GPT2: variants seen among roughly 807,000 people sequenced by gnomAD.
The protein encoded by GPT2 is glutamic--pyruvic transaminase 2.
Under a neutral mutation model 56.9 loss-of-function variants are expected in GPT2, and 30 were observed. That is an observed-to-expected ratio of 0.53 (90% CI 0.39 to 0.72). The LOEUF is 0.72. GPT2 is among the 30% of genes least tolerant of loss of function. The pLI is 0.00. For synonymous variants in GPT2, 271 were observed against 283.1 expected (o/e 0.96, Z 0.43); for missense variants, 542 against 703.4 (o/e 0.77, Z 2.60).
rs1960799786 is a variant in GPT2 at position 46,900,698 on chromosome 16, C to G, written c.350C>G (p.Thr117Ser). The G allele has an allele frequency of 6.2e-7, 1 of 1,613,830 alleles. No individual in the cohort carries two copies. The highest frequency in any genetic ancestry group is 1.3e-5 in the African/African-American group (1 of 74,916). The change falls in exon 4 of 12, where the codon ACC (threonine) becomes AGC (serine). Residue 117 changes from threonine to serine, a missense_variant. By Grantham distance (58) the Thr-to-Ser change is moderately conservative (BLOSUM62 1). Transcript: ENST00000340124. ...TTCCCCCAGGTGATGGCACTATGCACCTACCCAAACCTGCTGGACAGCCCC... is the reference window on the plus strand; with the variant it reads ...TTCCCCCAGGTGATGGCACTATGCAGCTACCCAAACCTGCTGGACAGCCCC... The part of the protein sequence containing the change: ...TFLRQVMALC[T>S]YPNLLDSPSF...
intron 2 of GPT2, among the ~76,000 whole-genome samples, chr16:46,890,461 C>T (rs1960565465): frequency 6.6e-6 from 1 of 152,184 alleles, no homozygotes; most frequent in Non-Finnish European, 1.5e-5. Context: ...GCGGTCTCAT[C>T]TGTGCTACTC....
rs185334136 is a variant in GPT2, at chr16:46,902,681, G to A, written c.442+1891G>A. On this transcript the variant is annotated intron_variant, in intron 4 of 11. Coordinates refer to ENST00000340124, the MANE Select transcript of GPT2 (RefSeq NM_133443.4). ...ACTCTGTTGCCCAGGCTGGAAGTGC[G>A]GTGGCACGATCTTGGTTCACTGCAA... 7.9e-5 allele frequency among the ~76,000 whole-genome samples: 12 copies of A among 152,138 alleles called. No homozygotes were observed. In the East Asian group the frequency reaches 9.8e-4, roughly 12 times the overall value.
At position 46,929,991 on chromosome 16, in the gene GPT2, G is replaced by C. The variant is rs556539951; in HGVS notation, c.*994G>C. 6.5e-6 allele frequency: 1 copy of C among 152,876 alleles called. No individual in the cohort carries two copies. The highest frequency in any genetic ancestry group is 2.4e-5 in the African/African-American group (1 of 41,486). The allele number at this position is 152,876 out of a possible 1,614,324, so 9.5% of individuals were successfully genotyped here. A position where few individuals can be genotyped will look rare whatever the true frequency, so the allele number is the denominator to read the frequency against. On this transcript the variant is annotated 3_prime_UTR_variant, in exon 12 of 12. Transcript: ENST00000340124. ...AGCAGCCAAGGCCCTGTCCTTTCTT[G>C]AATGGTGGCGAGCTGAATCTGGTCG...
At chr16:46,923,797 C>G (rs2143556975) in intron 9 of GPT2, 1 of 180,122 alleles carries the variant, frequency 5.6e-6, no homozygotes, top group East Asian at 1.4e-4. Context: ...GCGCGCTGGT[C>G]CCCCCCAGAT....
At chr16:46,906,275 T>C (rs891852148) in intron 4 of GPT2, among the ~76,000 whole-genome samples, 6 of 152,140 alleles carry the variant, frequency 3.9e-5, no homozygotes, top group African/African-American at 1.2e-4. Context: ...TTTCACCACA[T>C]TGACCAGGCT....
chr16:46,913,754 G>A (rs1362104577), intron 6 of GPT2, among the ~76,000 whole-genome samples: 2 of 151,946 alleles, frequency 1.3e-5, no homozygotes, highest in African/African-American at 4.8e-5. Context: ...ATATATATAT[G>A]TATGTATATA....
Position 46,929,057 on chromosome 16 carries a change from C to G in GPT2, c.*60C>G. On this transcript the variant is annotated 3_prime_UTR_variant, in exon 12 of 12. Transcript: ENST00000340124. ...GCTCTTCCTCCCAATGCCCGTCAGG[C>G]TGAACTCGCCTCCCCCGTGACTCTG... The G allele has an allele frequency of 7.6e-7, 1 of 1,313,424 alleles. No homozygotes were observed. The highest frequency in any genetic ancestry group is 1.1e-6 in the Non-Finnish European group (1 of 908,530). 81.4% of individuals were successfully genotyped at this position (1,313,424 alleles called of 1,614,324 possible). A position where few individuals can be genotyped will look rare whatever the true frequency, so the allele number is the denominator to read the frequency against.
rs1254225123 is a variant in GPT2, at chr16:46,929,291, T to A, written c.*294T>A. 1 of 380,532 alleles carries A rather than the reference T, an allele frequency of 2.6e-6. No homozygotes were observed. The highest frequency in any genetic ancestry group is 4.9e-6 in the Non-Finnish European group (1 of 202,670). 23.6% of individuals were successfully genotyped at this position (380,532 alleles called of 1,614,324 possible). On this transcript the variant is annotated 3_prime_UTR_variant, in exon 12 of 12. Transcript: ENST00000340124. ...GCTTCTGGAAAGTTCATTTGGGGTT[T>A]ACAACAACTAGGATGTGTTGGGTGA...
At position 46,927,060 on chromosome 16, in the gene GPT2, G is replaced by C. The variant is rs368381218; in HGVS notation, c.1481+23G>C. ...CAGGTATGACTTCCTCTCCGCACTA[G>C]GGGCTGGTCCGGGTCTTGTCCAGGG... On this transcript the variant is annotated intron_variant, in intron 11 of 11. Transcript: ENST00000340124. The C allele has an allele frequency of 1.5e-5, 22 of 1,465,456 alleles. No individual in the cohort carries two copies. The African/African-American group carries it at 2.8e-4, about 19-fold the overall frequency. The allele number at this position is 1,465,456 out of a possible 1,614,324, so 90.8% of individuals were successfully genotyped here.
At chr16:46,918,898 G>C in intron 8 of GPT2, 141 bp downstream of exon 8, 2 of 1,028,130 alleles carry the variant, frequency 1.9e-6, no homozygotes, top group Non-Finnish European at 2.8e-6. Context: ...CATCTCCCCA[G>C]TGGGAGAGCC....
At chr16:46,887,268 G>C (rs925071797) in intron 2 of GPT2, among the ~76,000 whole-genome samples, 10 of 152,148 alleles carry the variant, frequency 6.6e-5, no homozygotes, top group African/African-American at 2.4e-4. Flanking sequence ...AGGAGTTCGA[G>C]ACCAGCCTGG....
At chr16:46,917,184 A>G (rs1961186005) in intron 7 of GPT2, among the ~76,000 whole-genome samples, 1 of 152,122 alleles carries the variant, frequency 6.6e-6, no homozygotes. Context: ...TCACACGCCC[A>G]TTGCTGAACC....
chr16:46,916,002 C>G (rs1301926871), intron 6 of GPT2: 1 of 152,872 alleles, frequency 6.5e-6, no homozygotes, highest in Non-Finnish European at 1.5e-5. Context: ...GTGCACACAC[C>G]CCACCACACC....
At chr16:46,897,286 T>C (rs946875719) in intron 2 of GPT2, among the ~76,000 whole-genome samples, 22 of 152,072 alleles carry the variant, frequency 1.4e-4, no homozygotes, top group Non-Finnish European at 2.4e-4. Flanking sequence ...GGCACGAGAA[T>C]TGCTTGAACC....
intron 5 of GPT2, among the ~76,000 whole-genome samples, chr16:46,907,649 C>T (rs1309328460): frequency 6.6e-6 from 1 of 152,164 alleles, no homozygotes; most frequent in Non-Finnish European, 1.5e-5. Flanking sequence ...GTCGGAGTTA[C>T]CAGGCGTGGG....
intron 2 of GPT2, among the ~76,000 whole-genome samples, chr16:46,889,248 T>TTA (rs1394672351): frequency 2.2e-5 from 3 of 135,732 alleles, no homozygotes; most frequent in Non-Finnish European, 4.8e-5. Context: ...GGCTGTTAAT[T>TTA]TTTTTTTTTT....
intron 3 of GPT2, among the ~76,000 whole-genome samples, chr16:46,899,683 A>G (rs2143410921): frequency 6.6e-6 from 1 of 152,280 alleles, no homozygotes; most frequent in East Asian, 1.9e-4. Flanking sequence ...AGGTGGGAGG[A>G]GGCCAGAGGG....
chr16:46,922,180 A>C, intron 8 of GPT2, 62 bp from the exon 9 acceptor site: 2 of 1,542,230 alleles, frequency 1.3e-6, no homozygotes. Context: ...TGGCTGTCCA[A>C]ATGGCACTTT....
In GPT2 at chr16:46,885,587, CAG is replaced by C; in HGVS notation, c.243+634_243+635del. On this transcript the variant is annotated intron_variant, in intron 2 of 11. Coordinates refer to ENST00000340124, the MANE Select transcript of GPT2 (RefSeq NM_133443.4). ...GGGGACAGTCACCGAGGTGGGGAAC[CAG>C]AGAGTTGGGCCTGTCGGGCTTTGGT... 3 of 978,470 alleles carry C rather than the reference CAG, an allele frequency of 3.1e-6. No homozygotes were observed. The South Asian group carries it at 1.4e-4, about 46-fold the overall frequency. 60.6% of individuals were successfully genotyped at this position (978,470 alleles called of 1,614,324 possible). A position where few individuals can be genotyped will look rare whatever the true frequency, so the allele number is the denominator to read the frequency against.
Sources: gnomAD v4.1 joint callset for allele counts (sites outside exome capture counted in the v4.1 genomes callset) on GRCh38, gnomAD v4.1.1 for gene constraint, MANE v1.5 for transcripts, NCBI Gene and HGNC (gene_info 2026-07-23, HGNC 2026-07-21) for gene names.